Variants in HCRTR2 observed in about 807,000 individuals in gnomAD.
HCRTR2 encodes the protein orexin receptor type 2.
A neutral mutation model predicts 49.0 loss-of-function variants in HCRTR2; 22 were observed. That is an observed-to-expected ratio of 0.45 (90% CI 0.32 to 0.64). The LOEUF is 0.64. Ranked by LOEUF, HCRTR2 falls within the 30% of genes least tolerant of loss-of-function variation. The pLI is 0.04. For synonymous variants in HCRTR2, 236 were observed against 205.3 expected (o/e 1.15, Z -1.28); for missense variants, 491 against 559.4 (o/e 0.88, Z 1.23).
At chr6:55,263,653 T>C in intron 3 of HCRTR2, 54 bp from the exon 4 acceptor site, 2 of 920,108 alleles carry the variant, frequency 2.2e-6, no homozygotes, top group Non-Finnish European at 3.6e-6. Flanking sequence ...TGTATCTTTT[T>C]TAAAAGTCCA....
rs375361928 is a variant in HCRTR2, at chr6:55,195,650, A to G, written c.223+20840A>G. On this transcript the variant is annotated intron_variant, in intron 1 of 6. Transcript: ENST00000370862. ...TGGATATCCCAATTACCCTGATTTG[A>G]TCTTTACACATTGTATGCTTATATA... Among the ~76,000 whole-genome samples the G allele has an allele frequency of 1.4e-3, 208 of 152,264 alleles. 5 individuals carry two copies. In the South Asian group the frequency reaches 0.018, roughly 13 times the overall value.
At chr6:55,233,428 T>G (rs895216728) in intron 1 of HCRTR2, among the ~76,000 whole-genome samples, 3 of 152,026 alleles carry the variant, frequency 2.0e-5, no homozygotes, top group African/African-American at 7.2e-5. Context: ...TACATTATTA[T>G]CAAATTTCAT....
chr6:55,165,624 T>G (rs905717006), intron 1 of HCRTR2, among the ~76,000 whole-genome samples: 1 of 151,506 alleles, frequency 6.6e-6, no homozygotes, highest in Non-Finnish European at 1.5e-5. Context: ...ATAAATTGGA[T>G]CTTATCAAAA....
At chr6:55,200,235 TTGTGTGTG>T (rs34710192) in intron 1 of HCRTR2, among the ~76,000 whole-genome samples, 2,901 of 135,368 alleles carry the variant, frequency 0.021, 72 homozygotes, top group African/African-American at 0.056. Context: ...GTTTGCTGTC[TTGTGTGTG>T]TGTGTGTGTG....
At chr6:55,163,350 G>A (rs1764833584) in intron 1 of HCRTR2, among the ~76,000 whole-genome samples, 1 of 152,006 alleles carries the variant, frequency 6.6e-6, no homozygotes, top group African/African-American at 2.4e-5. Context: ...ATAGCTGGAG[G>A]CATCATGCTA....
intron 1 of HCRTR2, among the ~76,000 whole-genome samples, chr6:55,181,038 C>T (rs550917559): frequency 5.3e-5 from 8 of 151,652 alleles, no homozygotes; most frequent in Admixed American, 5.3e-4. Flanking sequence ...GAACTCTTGC[C>T]CTTGTTATCT....
At chr6:55,177,192 C>G (rs1765056388) in intron 1 of HCRTR2, among the ~76,000 whole-genome samples, 1 of 152,150 alleles carries the variant, frequency 6.6e-6, no homozygotes, top group Non-Finnish European at 1.5e-5. Flanking sequence ...CAATTCCATT[C>G]AGCCTAAAAA....
chr6:55,155,105 G>A (rs1764713286), intron 1 of HCRTR2, among the ~76,000 whole-genome samples: 1 of 151,760 alleles, frequency 6.6e-6, no homozygotes, highest in Admixed American at 6.6e-5. Flanking sequence ...GATATTCCAT[G>A]CCATGGTTTG....
At chr6:55,241,909 C>T (rs1247959575) in intron 1 of HCRTR2, among the ~76,000 whole-genome samples, 7 of 132,194 alleles carry the variant, frequency 5.3e-5, no homozygotes, top group African/African-American at 2.0e-4. Context: ...CACTCTGTCG[C>T]CCAGGCTGGA....
At chr6:55,168,819 C>T (rs1216793835) in intron 1 of HCRTR2, among the ~76,000 whole-genome samples, 1 of 152,012 alleles carries the variant, frequency 6.6e-6, no homozygotes, top group Non-Finnish European at 1.5e-5. Flanking sequence ...AAATCTTCCT[C>T]CTAGATTTGT....
intron 1 of HCRTR2, among the ~76,000 whole-genome samples, chr6:55,224,346 G>A (rs1004858380): frequency 6.6e-6 from 1 of 152,002 alleles, no homozygotes; most frequent in African/African-American, 2.4e-5. Context: ...GGCTGGGTGC[G>A]GTGGCTCACG....
intron 1 of HCRTR2, among the ~76,000 whole-genome samples, chr6:55,202,060 G>T (rs1765521753): frequency 6.6e-6 from 1 of 152,088 alleles, no homozygotes. Flanking sequence ...TCACAGTAGA[G>T]GTAAGTTCAA....
At chr6:55,151,088 A>T (rs1219418636) in intron 1 of HCRTR2, among the ~76,000 whole-genome samples, 1 of 152,058 alleles carries the variant, frequency 6.6e-6, no homozygotes, top group Non-Finnish European at 1.5e-5. Flanking sequence ...GTGAATTATA[A>T]TCTTTTTTGC....
chr6:55,158,881 CA>C (rs908760359), intron 1 of HCRTR2, among the ~76,000 whole-genome samples: 15 of 152,212 alleles, frequency 9.9e-5, no homozygotes, highest in African/African-American at 3.4e-4. Flanking sequence ...GGTGCAGCTT[CA>C]GCAGACTTAA....
chr6:55,134,317 G>T (rs1764404242), intron 1 of HCRTR2, among the ~76,000 whole-genome samples: 1 of 151,560 alleles, frequency 6.6e-6, no homozygotes, highest in African/African-American at 2.4e-5. Context: ...ATTTATATTT[G>T]TCATTATTTA....
chr6:55,240,231 G>T (rs935704179), intron 1 of HCRTR2, among the ~76,000 whole-genome samples: 2 of 151,414 alleles, frequency 1.3e-5, no homozygotes, highest in African/African-American at 4.8e-5. Context: ...GGTGGCGGGC[G>T]CCTGTAGTTC....
chr6:55,114,685 A>G (rs921642172), intron 1 of HCRTR2, among the ~76,000 whole-genome samples: 10 of 151,772 alleles, frequency 6.6e-5, no homozygotes, highest in African/African-American at 2.4e-5. Context: ...TTTGTCTCCA[A>G]AATTTTCAGA....
chr6:55,198,133 A>G lies in HCRTR2; in HGVS notation c.223+23323A>G, dbSNP rs901524124. ...TAACCTTCACGAAACTACATGTAGC[A>G]CTAATGTAACCCTAAGCCCAATCCT... On this transcript the variant is annotated intron_variant, in intron 1 of 6. Transcript: ENST00000370862. 5.9e-5 allele frequency among the ~76,000 whole-genome samples: 9 copies of G among 152,154 alleles called. 1 individual carries two copies. The highest frequency in any genetic ancestry group is 5.9e-4 in the Admixed American group (9 of 15,270).
intron 1 of HCRTR2, among the ~76,000 whole-genome samples, chr6:55,223,832 A>C (rs1765945769): frequency 6.6e-6 from 1 of 152,200 alleles, no homozygotes; most frequent in Non-Finnish European, 1.5e-5. Context: ...GCCATTTTAA[A>C]ATAATTTTGT....
Sources: gnomAD v4.1 joint callset for allele counts (sites outside exome capture counted in the v4.1 genomes callset) on GRCh38, gnomAD v4.1.1 for gene constraint, MANE v1.5 for transcripts, NCBI Gene and HGNC (gene_info 2026-07-23, HGNC 2026-07-21) for gene names.